The following NAV2 variants were observed in gnomAD, a reference collection of about 807,000 sequenced individuals.
NAV2 encodes the protein helicase, APC down-regulated 1.
A neutral mutation model predicts 223.2 loss-of-function variants in NAV2; 54 were observed. That is an observed-to-expected ratio of 0.24 (90% CI 0.19 to 0.30). The LOEUF is 0.30. NAV2 is among the 10% of genes least tolerant of loss of function. NAV2 has a pLI of 1.00. For synonymous variants in NAV2, 1,279 were observed against 1,239.3 expected, an observed-to-expected ratio of 1.03 and a Z score of -0.67; for missense variants, 2,806 against 3,147.5, an observed-to-expected ratio of 0.89 and a Z score of 2.60.
chr11:19,739,969 A>C (rs975441474), intron 1 of NAV2, among the ~76,000 whole-genome samples: 2 of 152,110 alleles, frequency 1.3e-5, no homozygotes, highest in Admixed American at 6.5e-5. Context: ...AAACTGTATT[A>C]TCCTCTCCTT....
Position 19,613,328 on chromosome 11 carries a change from G to C in NAV2, c.76-219156G>C, listed in dbSNP as rs536034677. On this transcript the variant is annotated intron_variant, in intron 1 of 37. Transcript: ENST00000360655. ...GATATGGAGGGGATGTGAGGCGTTA[G>C]GGAAAAAAAAATCATGTTTTTGTCT... 7.8e-4 allele frequency among the ~76,000 whole-genome samples: 118 copies of C among 151,696 alleles called. 1 individual carries two copies. In the Middle Eastern group the frequency reaches 0.01, roughly 13 times the overall value.
Position 20,044,172 on chromosome 11 carries a change from G to T in NAV2, c.3099G>T (p.Gln1033His). ...GCAAGAAGAATCCTGTCATCTCCCAGACAGGCTCATGGCGGCGAGGCATGA... is the reference window on the plus strand; with the variant it reads ...GCAAGAAGAATCCTGTCATCTCCCATACAGGCTCATGGCGGCGAGGCATGA... ...TSGKKNPVIS[Q>H]TGSWRRGMTA... The change falls in exon 13 of 38, where the codon CAG becomes CAT. Residue 1033 changes from glutamine (Q) to histidine (H), a missense_variant. Physicochemically the swap from Gln to His is conservative, Grantham distance 24 (BLOSUM62 0). Transcript: ENST00000349880. 6.2e-7 allele frequency: 1 copy of T among 1,614,208 alleles called. No individual in the cohort carries two copies. The highest frequency in any genetic ancestry group is 8.5e-7 in the Non-Finnish European group (1 of 1,180,038).
intron 1 of NAV2, among the ~76,000 whole-genome samples, chr11:19,687,289 C>A (rs561426219): frequency 6.6e-6 from 1 of 152,346 alleles, no homozygotes; most frequent in South Asian, 2.1e-4. Context: ...CAGAAAAGAG[C>A]TAGAAATATT....
chr11:19,397,572 C>T (rs1849512305), intron 1 of NAV2, among the ~76,000 whole-genome samples: 2 of 152,142 alleles, frequency 1.3e-5, no homozygotes, highest in Non-Finnish European at 2.9e-5. Flanking sequence ...ATCATCTTTA[C>T]ATTTTATTAT....
chr11:20,045,803 C>A, intron 14 of NAV2, 133 bp downstream of exon 14: 1 of 753,106 alleles, frequency 1.3e-6, no homozygotes, highest in Non-Finnish European at 2.1e-6. Context: ...TTTGTCAGAT[C>A]AGGCCGGCAG....
intron 10 of NAV2, among the ~76,000 whole-genome samples, chr11:19,976,907 C>T (rs2049811283): frequency 6.6e-6 from 1 of 152,160 alleles, no homozygotes; most frequent in Non-Finnish European, 1.5e-5. Context: ...GAGACTGTTC[C>T]AGGCTTGAGT....
intron 1 of NAV2, among the ~76,000 whole-genome samples, chr11:19,693,134 G>A (rs1037238933): frequency 3.3e-5 from 5 of 152,186 alleles, no homozygotes; most frequent in East Asian, 1.9e-4. Context: ...TCTCTTTCAC[G>A]TATCTACTAC....
intron 22 of NAV2, among the ~76,000 whole-genome samples, chr11:20,075,362 T>C (rs960484033): frequency 6.6e-6 from 1 of 152,114 alleles, no homozygotes; most frequent in Admixed American, 6.5e-5. Flanking sequence ...TAGCTGGGAC[T>C]ACAGGTGCCC....
intron 1 of NAV2, among the ~76,000 whole-genome samples, chr11:19,726,817 G>A (rs2051294487): frequency 6.6e-6 from 1 of 152,142 alleles, no homozygotes; most frequent in Admixed American, 6.5e-5. Context: ...GATCCCGGAT[G>A]ACATATACAG....
At chr11:19,429,452 A>C (rs1223448297) in intron 1 of NAV2, among the ~76,000 whole-genome samples, 1 of 152,208 alleles carries the variant, frequency 6.6e-6, no homozygotes, top group East Asian at 1.9e-4. Flanking sequence ...TGATTCTGCC[A>C]GTTACCCAGT....
At chr11:20,035,469 C>T (rs1421154451) in intron 11 of NAV2, among the ~76,000 whole-genome samples, 1 of 152,124 alleles carries the variant, frequency 6.6e-6, no homozygotes, top group Admixed American at 6.5e-5. Context: ...CAGGTTTCTC[C>T]TAACTGTTGC....
intron 1 of NAV2, among the ~76,000 whole-genome samples, chr11:19,374,331 TTTA>T (rs1237129418): frequency 0.015 from 1,792 of 116,150 alleles, 32 homozygotes; most frequent in African/African-American, 0.05. Flanking sequence ...TTTTTTTTTT[TTTA>T]AAATCAGCTA....
At chr11:19,573,396 AT>A (rs1194247850) in intron 1 of NAV2, among the ~76,000 whole-genome samples, 6 of 152,146 alleles carry the variant, frequency 3.9e-5, no homozygotes, top group African/African-American at 1.2e-4. Flanking sequence ...GATTTTGACC[AT>A]TTTGTTAATG....
intron 1 of NAV2, among the ~76,000 whole-genome samples, chr11:19,563,903 C>T (rs540371445): frequency 1.1e-3 from 165 of 152,244 alleles, no homozygotes; most frequent in Middle Eastern, 6.8e-3. Context: ...TAGCATTGGG[C>T]TTGGCACCTT....
intron 36 of NAV2, among the ~76,000 whole-genome samples, chr11:20,111,556 T>C (rs948026841): frequency 1.3e-5 from 2 of 152,386 alleles, no homozygotes; most frequent in Non-Finnish European, 1.5e-5. Context: ...GTCTTATGAC[T>C]CAGTCCTGAG....
intron 1 of NAV2, among the ~76,000 whole-genome samples, chr11:19,583,650 C>T (rs543823676): frequency 5.3e-5 from 8 of 152,116 alleles, no homozygotes; most frequent in South Asian, 2.1e-4. Context: ...TGGTTTTTGT[C>T]GTTGGTTCTG....
At chr11:20,075,935 TC>T (rs1160494490) in intron 22 of NAV2, among the ~76,000 whole-genome samples, 3 of 151,970 alleles carry the variant, frequency 2.0e-5, no homozygotes, top group South Asian at 2.1e-4. Flanking sequence ...GTGTTTCTAC[TC>T]CCCCTGTCTA....
At chr11:20,097,547 G>A (rs1235523821) in intron 30 of NAV2, 30 bp from the exon 31 acceptor site, 5 of 1,537,632 alleles carry the variant, frequency 3.3e-6, no homozygotes, top group Non-Finnish European at 4.4e-6. Context: ...CCACATCTTT[G>A]ATGGGGTCTT....
At chr11:19,973,251 G>A (rs1565674652) in intron 10 of NAV2, among the ~76,000 whole-genome samples, 5 of 152,120 alleles carry the variant, frequency 3.3e-5, no homozygotes, top group Admixed American at 2.6e-4. Context: ...GACACTAGAT[G>A]TCAGATTCCC....
Sources: allele counts gnomAD v4.1 joint callset (sites outside exome capture counted in the v4.1 genomes callset), GRCh38; gene constraint gnomAD v4.1.1; transcripts MANE v1.5; gene names NCBI Gene and HGNC (gene_info 2026-07-23, HGNC 2026-07-21).